The following SPAG9 variants were observed in gnomAD, a reference collection of about 807,000 sequenced individuals.
The protein encoded by SPAG9 is sperm associated antigen 9.
SPAG9 carries 35 observed loss-of-function variants against 166.5 expected under a neutral mutation model. The ratio of observed to expected loss-of-function variants is 0.21; its 90% confidence interval spans 0.16 to 0.28. The LOEUF (loss-of-function observed/expected upper bound fraction) is 0.28, where lower values mean the gene tolerates loss of function less well. Among genes scored for constraint, SPAG9 ranks in the 10% least tolerant of loss-of-function variants. The probability of loss-of-function intolerance (pLI) is 1.00; values close to 1 mark genes in which losing one functional copy is unlikely to be tolerated. For missense variants in SPAG9, 1,235 were observed against 1,603.3 expected (o/e 0.77, Z 3.92); for synonymous variants, 534 against 565.5 (o/e 0.94, Z 0.79).
intron 1 of SPAG9, among the ~76,000 whole-genome samples, chr17:51,089,850 G>C (rs2048418368): frequency 6.7e-6 from 1 of 150,322 alleles, no homozygotes; most frequent in Non-Finnish European, 1.5e-5. Flanking sequence ...CTAATTTTTT[G>C]TATTTTTAGT....
At chr17:50,995,827 C>T (rs1160583583) in intron 16 of SPAG9, 2 of 285,850 alleles carry the variant, frequency 7.0e-6, no homozygotes, top group Admixed American at 4.9e-5. Context: ...CCACACCCAG[C>T]TAATTTTTTA....
chr17:51,113,899 A>G (rs1421994989), intron 1 of SPAG9, among the ~76,000 whole-genome samples: 1 of 151,436 alleles, frequency 6.6e-6, no homozygotes, highest in African/African-American at 2.4e-5. Flanking sequence ...GGAAGTTGAG[A>G]TGGGAGGATC....
intron 19 of SPAG9, among the ~76,000 whole-genome samples, chr17:50,991,843 C>T (rs1255080485): frequency 2.0e-5 from 3 of 149,742 alleles, no homozygotes; most frequent in Admixed American, 6.7e-5. Flanking sequence ...AGGCTGGTCT[C>T]GAACTCCTGA....
At chr17:51,060,608 C>T (rs977709679) in intron 2 of SPAG9, among the ~76,000 whole-genome samples, 1 of 149,678 alleles carries the variant, frequency 6.7e-6, no homozygotes, top group African/African-American at 2.5e-5. Flanking sequence ...ATCCTTATAA[C>T]AGCAAGAGAT....
intron 5 of SPAG9, among the ~76,000 whole-genome samples, chr17:51,034,845 G>A (rs997824570): frequency 2.6e-5 from 4 of 151,906 alleles, no homozygotes; most frequent in Admixed American, 1.3e-4. Flanking sequence ...TTATATTCTC[G>A]CCAAAAATAC....
intron 1 of SPAG9, among the ~76,000 whole-genome samples, chr17:51,101,295 G>A (rs542107400): frequency 4.9e-5 from 7 of 141,904 alleles, no homozygotes; most frequent in South Asian, 2.2e-4. Flanking sequence ...ACAGTGAGCC[G>A]AGATCGCACT....
chr17:51,071,022 T>C (rs1017245919), intron 2 of SPAG9, among the ~76,000 whole-genome samples: 4 of 151,926 alleles, frequency 2.6e-5, no homozygotes, highest in African/African-American at 9.7e-5. Context: ...AAAAATATAA[T>C]ATATATGGGA....
chr17:51,080,877 A>C (rs1158516059), intron 1 of SPAG9, among the ~76,000 whole-genome samples: 2 of 113,156 alleles, frequency 1.8e-5, no homozygotes, highest in South Asian at 2.9e-4. Flanking sequence ...ACAGAGCAAG[A>C]CTCTATCTCA....
At chr17:51,067,444 A>T (rs2047704465) in intron 2 of SPAG9, among the ~76,000 whole-genome samples, 1 of 152,216 alleles carries the variant, frequency 6.6e-6, no homozygotes, top group Non-Finnish European at 1.5e-5. Flanking sequence ...CATCCTCGAA[A>T]GCCTCAAGTA....
intron 3 of SPAG9, among the ~76,000 whole-genome samples, chr17:51,048,431 A>C (rs912970472): frequency 3.3e-5 from 5 of 151,990 alleles, no homozygotes; most frequent in Middle Eastern, 3.2e-3. Flanking sequence ...CTTTCTTGGG[A>C]ATATTACTTG....
At chr17:50,981,714 GA>G (rs1974656082) in intron 25 of SPAG9, among the ~76,000 whole-genome samples, 1 of 125,754 alleles carries the variant, frequency 8.0e-6, no homozygotes, top group Non-Finnish European at 1.7e-5. Context: ...TATGTATTGT[GA>G]CAAAAAAAAA....
At chr17:50,999,381 C>T in intron 14 of SPAG9, 4 of 945,668 alleles carry the variant, frequency 4.2e-6, no homozygotes, top group East Asian at 2.9e-5. Context: ...AAATAATTCC[C>T]CATTATTTAA....
intron 16 of SPAG9, 172 bp from the exon 17 acceptor site, chr17:50,995,705 A>C: frequency 1.7e-6 from 1 of 583,828 alleles, no homozygotes; most frequent in Non-Finnish European, 3.0e-6. Flanking sequence ...TCTACTGCCC[A>C]GGCTAGAGTG....
At chr17:51,071,154 A>G (rs944756476) in intron 2 of SPAG9, among the ~76,000 whole-genome samples, 1 of 152,212 alleles carries the variant, frequency 6.6e-6, no homozygotes, top group African/African-American at 2.4e-5. Context: ...GCAGAATGCT[A>G]GGCATACTGG....
intron 5 of SPAG9, chr17:51,040,302 G>C (rs1035370570): frequency 6.6e-6 from 1 of 151,878 alleles, no homozygotes; most frequent in Admixed American, 6.6e-5. Context: ...ATCACTGTGG[G>C]CTAATACTGA....
At chr17:50,981,550 G>GA (rs1356970933) in intron 25 of SPAG9, among the ~76,000 whole-genome samples, 2 of 151,206 alleles carry the variant, frequency 1.3e-5, no homozygotes, top group African/African-American at 4.9e-5. Flanking sequence ...AGAAAGAATA[G>GA]ATAGATAGAT....
intron 1 of SPAG9, among the ~76,000 whole-genome samples, chr17:51,079,941 A>G (rs1036274228): frequency 5.9e-5 from 9 of 152,254 alleles, no homozygotes; most frequent in Admixed American, 2.0e-4. Context: ...ATTCCATATG[A>G]TATACATATC....
intron 6 of SPAG9, among the ~76,000 whole-genome samples, chr17:51,024,012 GCAGC>G (rs2046053377): frequency 6.6e-6 from 1 of 152,162 alleles, no homozygotes; most frequent in Non-Finnish European, 1.5e-5. Flanking sequence ...AAAGGCATTA[GCAGC>G]CAGGCTCGGT....
chr17:50,987,694 G>A (rs1242091533), intron 21 of SPAG9, among the ~76,000 whole-genome samples: 5 of 152,202 alleles, frequency 3.3e-5, no homozygotes, highest in Middle Eastern at 3.4e-3. Flanking sequence ...CAATTACTAT[G>A]GCTGTCTCTT....
Sources: allele counts gnomAD v4.1 joint callset (sites outside exome capture counted in the v4.1 genomes callset), GRCh38; gene constraint gnomAD v4.1.1; transcripts MANE v1.5; gene names NCBI Gene and HGNC (gene_info 2026-07-23, HGNC 2026-07-21).